The following NTN4 variants were observed in gnomAD, a reference collection of about 807,000 sequenced individuals.
NTN4 encodes netrin 4, also known as netrin-4.
NTN4 carries 32 observed loss-of-function variants against 73.6 expected under a neutral mutation model. That is an observed-to-expected ratio of 0.44 (90% CI 0.33 to 0.58). The LOEUF is 0.58. NTN4 is among the 20% of genes least tolerant of loss of function. The probability of loss-of-function intolerance (pLI) is 0.04; values close to 1 mark genes in which losing one functional copy is unlikely to be tolerated. For synonymous variants in NTN4, 258 were observed against 287.5 expected, an observed-to-expected ratio of 0.90 and a Z score of 1.04; for missense variants, 654 against 798.3, an observed-to-expected ratio of 0.82 and a Z score of 2.18.
At chr12:95,742,385 CTA>C (rs1413714862) in intron 2 of NTN4, among the ~76,000 whole-genome samples, 1 of 149,604 alleles carries the variant, frequency 6.7e-6, no homozygotes, top group African/African-American at 2.5e-5. Flanking sequence ...AAAAAGCATG[CTA>C]TATGTCTTAT....
At chr12:95,728,296 T>C (rs924145964) in intron 3 of NTN4, among the ~76,000 whole-genome samples, 3 of 152,210 alleles carry the variant, frequency 2.0e-5, no homozygotes, top group Non-Finnish European at 2.9e-5. Context: ...TCTAGCCTAA[T>C]TGCCCTGGCT....
intron 2 of NTN4, among the ~76,000 whole-genome samples, chr12:95,748,908 T>C (rs1164271672): frequency 6.6e-6 from 1 of 152,226 alleles, no homozygotes; most frequent in Non-Finnish European, 1.5e-5. Flanking sequence ...CCCTGTGACT[T>C]GCACATATAC....
intron 2 of NTN4, among the ~76,000 whole-genome samples, chr12:95,748,133 A>C (rs1251103857): frequency 6.7e-6 from 1 of 149,014 alleles, no homozygotes; most frequent in African/African-American, 2.5e-5. Flanking sequence ...CAGGAGGCTG[A>C]GGCAGGAGAA....
intron 2 of NTN4, among the ~76,000 whole-genome samples, chr12:95,777,715 T>C (rs548140916): frequency 3.2e-4 from 49 of 152,226 alleles, no homozygotes; most frequent in Middle Eastern, 3.4e-3. Flanking sequence ...ACAATAATAA[T>C]GGGGGACTTT....
At chr12:95,680,109 A>G (rs933006038) in intron 7 of NTN4, among the ~76,000 whole-genome samples, 3 of 152,248 alleles carry the variant, frequency 2.0e-5, no homozygotes, top group Middle Eastern at 3.4e-3. Flanking sequence ...TTATTTTTCT[A>G]TTACACTAAA....
At chr12:95,720,282 A>G (rs2078637324) in intron 3 of NTN4, among the ~76,000 whole-genome samples, 1 of 152,200 alleles carries the variant, frequency 6.6e-6, no homozygotes, top group Non-Finnish European at 1.5e-5. Flanking sequence ...TTAAGGGGAG[A>G]GAGGAGCCAA....
At chr12:95,710,026 T>C (rs1394030581) in intron 5 of NTN4, among the ~76,000 whole-genome samples, 3 of 152,300 alleles carry the variant, frequency 2.0e-5, no homozygotes, top group African/African-American at 7.2e-5. Flanking sequence ...CATGTTTAAG[T>C]TCACTGTTAA....
chr12:95,704,432 A>T (rs1465590381), intron 5 of NTN4, among the ~76,000 whole-genome samples: 1 of 152,166 alleles, frequency 6.6e-6, no homozygotes, highest in Non-Finnish European at 1.5e-5. Context: ...ACCTCACATG[A>T]AATCTGGTAA....
chr12:95,727,787 G>C (rs192479630), intron 3 of NTN4, among the ~76,000 whole-genome samples: 153 of 152,112 alleles, frequency 1.0e-3, no homozygotes, highest in Non-Finnish European at 1.6e-3. Flanking sequence ...GAGGTCCTTT[G>C]CTTTCCCACC....
At chr12:95,678,205 G>C (rs976722651) in intron 7 of NTN4, among the ~76,000 whole-genome samples, 9 of 151,534 alleles carry the variant, frequency 5.9e-5, no homozygotes, top group Non-Finnish European at 1.3e-4. Flanking sequence ...GGGGCGAGGG[G>C]AGGGAGAGCA....
chr12:95,660,872 C>T (rs1190503084), intron 9 of NTN4, among the ~76,000 whole-genome samples: 1 of 152,094 alleles, frequency 6.6e-6, no homozygotes, highest in Non-Finnish European at 1.5e-5. Flanking sequence ...TAGTAATGAA[C>T]ACCTGTAACA....
intron 2 of NTN4, among the ~76,000 whole-genome samples, chr12:95,769,728 A>G (rs2079043608): frequency 6.7e-6 from 1 of 149,130 alleles, no homozygotes; most frequent in African/African-American, 2.5e-5. Flanking sequence ...TTACAGGTGC[A>G]TACTCCTAAA....
At chr12:95,670,034 A>T in intron 8 of NTN4, 44 bp downstream of exon 8, 1 of 1,174,006 alleles carries the variant, frequency 8.5e-7, no homozygotes, top group Non-Finnish European at 1.2e-6. Flanking sequence ...CTCTGAACTT[A>T]GTGTGAATAG....
At chr12:95,783,825 T>C (rs2079148672) in intron 2 of NTN4, among the ~76,000 whole-genome samples, 1 of 152,256 alleles carries the variant, frequency 6.6e-6, no homozygotes, top group Non-Finnish European at 1.5e-5. Context: ...TTAATGTCTA[T>C]TTAAAAAGTG....
intron 2 of NTN4, among the ~76,000 whole-genome samples, chr12:95,760,680 C>CTTTTT (rs11308260): frequency 3.8e-5 from 5 of 130,758 alleles, no homozygotes; most frequent in African/African-American, 8.6e-5. Context: ...ATTGTATCAT[C>CTTTTT]TTTTTTTTTT....
intron 2 of NTN4, among the ~76,000 whole-genome samples, chr12:95,757,214 T>C (rs2078952845): frequency 6.6e-6 from 1 of 152,226 alleles, no homozygotes; most frequent in Non-Finnish European, 1.5e-5. Context: ...GCTTACATTT[T>C]ATAAACTGTC....
chr12:95,673,794 C>T (rs2120956868), intron 7 of NTN4: 1 of 152,256 alleles, frequency 6.6e-6, no homozygotes, highest in East Asian at 1.9e-4. Flanking sequence ...GTGCTTCCTG[C>T]TGTGTGTTTT....
intron 2 of NTN4, among the ~76,000 whole-genome samples, chr12:95,768,090 G>C (rs10777730): frequency 0.44 from 67,666 of 152,060 alleles, 16,268 homozygotes; most frequent in South Asian, 0.57. Context: ...AACAATAGTG[G>C]AAGAGTTGGT....
chr12:95,750,076 C>T lies in NTN4; in HGVS notation c.586-11932G>A, dbSNP rs201625148. Among the ~76,000 whole-genome samples the T allele has an allele frequency of 1.2e-3, 188 of 152,250 alleles. 4 individuals are homozygous for T. In the East Asian group the frequency reaches 0.027, roughly 22 times the overall value. On this transcript the variant is annotated intron_variant, in intron 2 of 9. Transcript: ENST00000343702. The stretch of plus-strand genomic sequence containing the variant: ...TGCTTTTCTAGAGGAGGGGCAAGTA[C>T]CCCAACCTCGTATCTCTGCGCCCCA...
Sources: gnomAD v4.1 joint callset for allele counts (sites outside exome capture counted in the v4.1 genomes callset) on GRCh38, gnomAD v4.1.1 for gene constraint, MANE v1.5 for transcripts, NCBI Gene and HGNC (gene_info 2026-07-23, HGNC 2026-07-21) for gene names.